Variants in JAKMIP1 observed in about 807,000 individuals in gnomAD.
JAKMIP1 encodes janus kinase and microtubule-interacting protein 1.
Under a neutral mutation model 113.0 loss-of-function variants are expected in JAKMIP1, and 33 were observed. The ratio of observed to expected loss-of-function variants is 0.29; its 90% CI spans 0.22 to 0.39. JAKMIP1 has a LOEUF of 0.39. JAKMIP1 is among the 10% of genes least tolerant of loss of function. The pLI is 1.00. For synonymous variants in JAKMIP1, 480 were observed against 459.9 expected (o/e 1.04, Z -0.56); for missense variants, 813 against 1,080.5 (o/e 0.75, Z 3.47).
chr4:6,076,759 G>A lies in JAKMIP1; in HGVS notation c.1302+2180C>T, dbSNP rs564109404. On this transcript the variant is annotated intron_variant, in intron 8 of 20. Transcript: ENST00000409021. The surrounding 1 kb of genome is among the most constrained non-coding windows in gnomAD (Gnocchi z 4.8). The stretch of plus-strand genomic sequence containing the variant: ...AAACAGAATAAGGTATCTTGGGGAT[G>A]GGACCCAAGTCTAAACATGAAATTC... 6.6e-6 allele frequency among the ~76,000 whole-genome samples: 1 copy of A among 152,312 alleles called. No individual in the cohort carries two copies. Among genetic ancestry groups the A allele is most frequent in the East Asian group, 1.9e-4 (1 of 5,186 alleles).
intron 1 of JAKMIP1, among the ~76,000 whole-genome samples, chr4:6,126,102 A>G (rs1717514089): frequency 6.7e-6 from 1 of 150,058 alleles, no homozygotes; most frequent in Non-Finnish European, 1.5e-5. Flanking sequence ...AGAAACACAC[A>G]CACACAAACA....
chr4:6,036,716 T>C (rs1713494409), intron 18 of JAKMIP1, among the ~76,000 whole-genome samples: 1 of 152,256 alleles, frequency 6.6e-6, no homozygotes, highest in South Asian at 2.1e-4. Flanking sequence ...GTTACTCGTT[T>C]TCACAGCAAG....
At chr4:6,115,063 A>G (rs965050609) in intron 1 of JAKMIP1, among the ~76,000 whole-genome samples, 2 of 152,242 alleles carry the variant, frequency 1.3e-5, no homozygotes, top group African/African-American at 2.4e-5. Context: ...AAGCCCCGAC[A>G]GAAAAGTCCA....
At chr4:6,053,857 G>C (rs1225814168) in intron 13 of JAKMIP1, 193 bp downstream of exon 13, 7 of 1,469,762 alleles carry the variant, frequency 4.8e-6, no homozygotes. Context: ...ACGCTCTCCA[G>C]AACACATTAA....
chr4:6,048,420 A>G (rs1715260970), intron 16 of JAKMIP1, among the ~76,000 whole-genome samples: 1 of 152,252 alleles, frequency 6.6e-6, no homozygotes, highest in South Asian at 2.1e-4. Context: ...AGAAATATAT[A>G]ACAGCTAAGA....
chr4:6,163,942 G>A (rs1197999743), intron 1 of JAKMIP1, among the ~76,000 whole-genome samples: 1 of 152,168 alleles, frequency 6.6e-6, no homozygotes, highest in Non-Finnish European at 1.5e-5. Flanking sequence ...AACTAGCAGA[G>A]GTTGGCTCAG....
chr4:6,066,486 C>T lies in JAKMIP1; in HGVS notation c.1303-1478G>A, dbSNP rs372657537. ...ATGCATGGGGAATACGACTCTCCCC[C>T]GAACTCCAGACTCATACGTCAGCTG... is the stretch of plus-strand genomic sequence containing the variant. On this transcript the variant is annotated intron_variant, in intron 8 of 20. Coordinates refer to ENST00000409021, the MANE Select transcript of JAKMIP1 (RefSeq NM_001099433.2). Among the ~76,000 whole-genome samples, 5 of 152,248 alleles carry T rather than the reference C, an allele frequency of 3.3e-5. No individual in the cohort carries two copies. In the East Asian group the frequency reaches 5.8e-4, roughly 18 times the overall value.
intron 12 of JAKMIP1, among the ~76,000 whole-genome samples, chr4:6,056,207 C>T (rs1160648223): frequency 7.0e-6 from 1 of 142,350 alleles, no homozygotes; most frequent in Non-Finnish European, 1.5e-5. Context: ...CCCCATTTCT[C>T]CAGGGTGTCC....
In JAKMIP1 at chr4:6,026,212, T is replaced by C; in HGVS notation, c.*16A>G. ...AGGAAAGGATACCAACCCGAGTTCT[T>C]GGCTCACTGAAGTCATCAAGGCCAC... On this transcript the variant is annotated 3_prime_UTR_variant, in exon 21 of 21. Coordinates refer to ENST00000409021, the MANE Select transcript of JAKMIP1 (RefSeq NM_001099433.2). 1 of 1,548,240 alleles carries C rather than the reference T, an allele frequency of 6.5e-7. No individual in the cohort carries two copies. Among genetic ancestry groups the C allele is most frequent in the Non-Finnish European group, 8.7e-7 (1 of 1,146,004 alleles).
chr4:6,137,963 A>C lies in JAKMIP1; in HGVS notation c.-147-24966T>G, dbSNP rs1719497782. On this transcript the variant is annotated intron_variant, in intron 1 of 20. Transcript: ENST00000409021. This position sits in a 1 kb window ranked among gnomAD's most constrained non-coding sequence, Gnocchi z 4.5. The stretch of plus-strand genomic sequence containing the variant: ...CATGGCCTTCTCCTTCCTGGCTTGC[A>C]GCTGAGGCTGTAACCAGCTCTGGGA... Among the ~76,000 whole-genome samples the C allele has an allele frequency of 6.6e-6, 1 of 152,132 alleles. No homozygotes were observed. The highest frequency in any genetic ancestry group is 1.5e-5 in the Non-Finnish European group (1 of 68,034).
Position 6,080,078 on chromosome 4 carries a change from A to G in JAKMIP1, c.1242+94T>C. 7.2e-7 allele frequency: 1 copy of G among 1,393,960 alleles called. No homozygotes were observed. The highest frequency in any genetic ancestry group is 2.5e-5 in the East Asian group (1 of 39,652). 86.3% of individuals were successfully genotyped at this position (1,393,960 alleles called of 1,614,324 possible). A position where few individuals can be genotyped will look rare whatever the true frequency, so the allele number is the denominator to read the frequency against. On this transcript the variant is annotated intron_variant, in intron 7 of 20. Transcript: ENST00000409021. The surrounding 1 kb of genome is among the most constrained non-coding windows in gnomAD (Gnocchi z 6.0). ...CTGCCTGACCCTGACCCAGCTCAGC[A>G]GCATCACCCTGAGCCCCAACACCCG...
At position 6,197,743 on chromosome 4, in the gene JAKMIP1, G is replaced by A. The variant is rs1013240467; in HGVS notation, c.-148+2510C>T. Among the ~76,000 whole-genome samples, 3 of 152,228 alleles carry A rather than the reference G, an allele frequency of 2.0e-5. No homozygotes were observed. Among genetic ancestry groups the A allele is most frequent in the South Asian group, 2.1e-4 (1 of 4,828 alleles). On this transcript the variant is annotated intron_variant, in intron 1 of 20. Transcript: ENST00000409021. The surrounding 1 kb of genome is among the most constrained non-coding windows in gnomAD (Gnocchi z 6.5). ...ACTTGCCCAGTCACAGCTAAGTGAG[G>A]CAGGGCCTGAATGGGAACCCTGGCA... is the stretch of plus-strand genomic sequence containing the variant.
intron 1 of JAKMIP1, among the ~76,000 whole-genome samples, chr4:6,191,730 G>A (rs34609580): frequency 0.052 from 7,896 of 152,194 alleles, 287 homozygotes; most frequent in Middle Eastern, 0.082. Context: ...TGCACGCCAC[G>A]TGTAATTTCA....
chr4:6,042,140 A>C lies in JAKMIP1; in HGVS notation c.2097+19T>G, dbSNP rs774046058. On this transcript the variant is annotated intron_variant, in intron 17 of 20. Transcript: ENST00000409021. This position sits in a 1 kb window ranked among gnomAD's most constrained non-coding sequence, Gnocchi z 5.2. ...TCTTTGAACCCTCTCCCCCACCCCC[A>C]GGCAGTCAAATCTTTTACCTTCTCC... The C allele has an allele frequency of 1.9e-6, 3 of 1,607,176 alleles. No individual in the cohort carries two copies. The highest frequency in any genetic ancestry group is 3.3e-5 in the Admixed American group (2 of 60,010).
In JAKMIP1 at chr4:6,067,678, G is replaced by T. The variant is rs1391584993; in HGVS notation, c.1303-2670C>A. ...ACACAGGTCACCCCCTGAGCTCCAG[G>T]TTCACTCAAGCTCTTCTGCACACAC... On this transcript the variant is annotated intron_variant, in intron 8 of 20. Coordinates refer to ENST00000409021, the MANE Select transcript of JAKMIP1 (RefSeq NM_001099433.2). The surrounding 1 kb of genome is among the most constrained non-coding windows in gnomAD (Gnocchi z 4.6). Among the ~76,000 whole-genome samples, 9 of 141,150 alleles carry T rather than the reference G, an allele frequency of 6.4e-5. No homozygotes were observed. In the South Asian group the frequency reaches 9.2e-4, roughly 14 times the overall value. The allele number at this position is 141,150 out of a possible 152,430, so 92.6% of individuals were successfully genotyped here. A position where few individuals can be genotyped will look rare whatever the true frequency, so the allele number is the denominator to read the frequency against.
rs1165995964 is a variant in JAKMIP1, at chr4:6,129,350, G to A, written c.-147-16353C>T. The stretch of plus-strand genomic sequence containing the variant: ...CAGGAACCATTGATATTTAAATGTG[G>A]CCTTTGGCTAAATGGTAAGGTACTG... On this transcript the variant is annotated intron_variant, in intron 1 of 20. Transcript: ENST00000409021. The surrounding 1 kb of genome is among the most constrained non-coding windows in gnomAD (Gnocchi z 5.4). 5.9e-5 allele frequency among the ~76,000 whole-genome samples: 9 copies of A among 152,208 alleles called. No homozygotes were observed. Among genetic ancestry groups the A allele is most frequent in the Non-Finnish European group, 1.5e-5 (1 of 68,044 alleles).
At chr4:6,083,235 T>A (rs1169758072) in intron 5 of JAKMIP1, among the ~76,000 whole-genome samples, 2 of 151,894 alleles carry the variant, frequency 1.3e-5, no homozygotes, top group Non-Finnish European at 2.9e-5. Context: ...AAACCCCATC[T>A]CTACTAAAAA....
chr4:6,110,050 G>A (rs1016178907), intron 2 of JAKMIP1, among the ~76,000 whole-genome samples: 25 of 152,154 alleles, frequency 1.6e-4, no homozygotes, highest in African/African-American at 5.1e-4. Flanking sequence ...CCTGGGGTCC[G>A]CATGGGCCTG....
chr4:6,105,354 G>A (rs1183025841), intron 3 of JAKMIP1, 119 bp downstream of exon 3: 4 of 1,069,418 alleles, frequency 3.7e-6, no homozygotes, highest in Non-Finnish European at 5.2e-6. Context: ...AGGTTGCTGG[G>A]GCCCCAGTGC....
Sources: gnomAD v4.1 joint callset for allele counts (sites outside exome capture counted in the v4.1 genomes callset) on GRCh38, gnomAD v4.1.1 for gene constraint, Gnocchi (gnomAD v3.1) non-coding constraint, MANE v1.5 for transcripts, NCBI Gene and HGNC (gene_info 2026-07-23, HGNC 2026-07-21) for gene names.